EYS: variants seen among roughly 807,000 people sequenced by gnomAD.
The protein encoded by EYS is protein eyes shut homolog.
A neutral mutation model predicts 282.1 loss-of-function variants in EYS; 250 were observed. The observed-to-expected ratio is 0.89, with a 90% confidence interval of 0.80 to 0.98. The LOEUF is 0.98. Ranked by LOEUF, EYS falls within the 50% of genes least tolerant of loss-of-function variation. The probability of loss-of-function intolerance (pLI) is 0.00; values close to 1 mark genes in which losing one functional copy is unlikely to be tolerated. For synonymous variants in EYS, 1,355 were observed against 1,282.9 expected, an observed-to-expected ratio of 1.06 and a Z score of -1.20; for missense variants, 4,016 against 3,709.0, an observed-to-expected ratio of 1.08 and a Z score of -2.15.
chr6:63,949,025 T>A (rs1200468756), intron 35 of EYS, among the ~76,000 whole-genome samples: 1 of 152,200 alleles, frequency 6.6e-6, no homozygotes, highest in Non-Finnish European at 1.5e-5. Context: ...ATTTTGAGAT[T>A]TTTTAATATA....
chr6:63,758,147 C>T (rs1344441438), intron 41 of EYS, among the ~76,000 whole-genome samples: 1 of 152,158 alleles, frequency 6.6e-6, no homozygotes, highest in East Asian at 1.9e-4. Flanking sequence ...AAACAGTCCT[C>T]CTGCCTTGGC....
intron 7 of EYS, among the ~76,000 whole-genome samples, chr6:65,399,869 T>A (rs534507715): frequency 6.6e-5 from 10 of 152,142 alleles, no homozygotes; most frequent in African/African-American, 2.4e-4. Flanking sequence ...CTATATCTGT[T>A]TTGGCTTTGT....
intron 24 of EYS, among the ~76,000 whole-genome samples, chr6:64,595,984 G>A (rs1433734095): frequency 6.6e-6 from 1 of 152,158 alleles, no homozygotes. Context: ...TGGCTTCTAA[G>A]AATGCCTCAG....
intron 22 of EYS, among the ~76,000 whole-genome samples, chr6:64,726,318 G>T (rs1158902324): frequency 6.6e-6 from 1 of 152,086 alleles, no homozygotes; most frequent in Non-Finnish European, 1.5e-5. Context: ...ATTCTGGAGG[G>T]CAAAGAATAT....
chr6:64,773,120 T>A (rs1006597875), intron 22 of EYS, among the ~76,000 whole-genome samples: 2 of 151,800 alleles, frequency 1.3e-5, no homozygotes, highest in African/African-American at 4.8e-5. Flanking sequence ...TTTTCAATCC[T>A]CACCCTACTC....
At chr6:63,981,329 C>A (rs1331401129) in intron 35 of EYS, among the ~76,000 whole-genome samples, 1 of 151,696 alleles carries the variant, frequency 6.6e-6, no homozygotes, top group Non-Finnish European at 1.5e-5. Flanking sequence ...TTGTATTAAA[C>A]TTCTGATATA....
chr6:64,368,200 T>G (rs1772242447), intron 29 of EYS, among the ~76,000 whole-genome samples: 1 of 152,136 alleles, frequency 6.6e-6, no homozygotes, highest in Non-Finnish European at 1.5e-5. Context: ...GGTGTTTGGC[T>G]TTCTGTTCCT....
intron 12 of EYS, among the ~76,000 whole-genome samples, chr6:65,075,014 G>A (rs1165950680): frequency 1.3e-5 from 2 of 152,016 alleles, no homozygotes; most frequent in Non-Finnish European, 2.9e-5. Context: ...TAGTCATTGT[G>A]TATAATACTG....
At chr6:65,389,155 T>C (rs1765910582) in intron 7 of EYS, among the ~76,000 whole-genome samples, 1 of 152,128 alleles carries the variant, frequency 6.6e-6, no homozygotes, top group Non-Finnish European at 1.5e-5. Flanking sequence ...TTTAAAAATA[T>C]AAACCAAATA....
intron 23 of EYS, among the ~76,000 whole-genome samples, chr6:64,623,904 A>C (rs2149854884): frequency 6.6e-6 from 1 of 152,272 alleles, no homozygotes; most frequent in African/African-American, 2.4e-5. Context: ...GATGAAGAGT[A>C]ATCTGCAGGA....
intron 35 of EYS, among the ~76,000 whole-genome samples, chr6:63,864,834 G>A (rs968037222): frequency 6.6e-6 from 1 of 152,212 alleles, no homozygotes; most frequent in African/African-American, 2.4e-5. Flanking sequence ...ATAAGACACA[G>A]TGGGGAGCTA....
At chr6:65,466,830 G>A (rs928723140) in intron 5 of EYS, among the ~76,000 whole-genome samples, 9 of 152,106 alleles carry the variant, frequency 5.9e-5, no homozygotes, top group South Asian at 2.1e-4. Flanking sequence ...AAGGGAATCC[G>A]AGAGAGACTT....
intron 15 of EYS, among the ~76,000 whole-genome samples, chr6:64,929,461 G>A (rs1768635306): frequency 1.3e-5 from 2 of 152,084 alleles, no homozygotes; most frequent in Admixed American, 6.6e-5. Context: ...GCCACTTCCT[G>A]TAAAACATAA....
intron 37 of EYS, among the ~76,000 whole-genome samples, chr6:63,803,054 T>G (rs746545758): frequency 5.3e-4 from 81 of 152,178 alleles, no homozygotes; most frequent in Non-Finnish European, 1.0e-3. Context: ...TTTTTATGTG[T>G]GTGTTAAAGA....
chr6:64,811,354 A>C (rs528918420), intron 22 of EYS, among the ~76,000 whole-genome samples: 1 of 152,072 alleles, frequency 6.6e-6, no homozygotes, highest in Admixed American at 6.6e-5. Flanking sequence ...GCCTATGCTT[A>C]TCCCTGGGAA....
chr6:65,289,288 C>T (rs1768455623), intron 12 of EYS, among the ~76,000 whole-genome samples: 2 of 150,912 alleles, frequency 1.3e-5, no homozygotes, highest in South Asian at 4.1e-4. Context: ...AACCAACTGG[C>T]ATGAGGACCT....
At chr6:64,033,828 C>CTATATATA (rs1491226014) in intron 33 of EYS, among the ~76,000 whole-genome samples, 128 of 59,208 alleles carry the variant, frequency 2.2e-3, no homozygotes, top group East Asian at 0.015. Context: ...AATGAGATTA[C>CTATATATA]TCTCTCTCTC....
chr6:65,361,961 A>C (rs1164306699), intron 8 of EYS, among the ~76,000 whole-genome samples: 4 of 152,128 alleles, frequency 2.6e-5, no homozygotes, highest in Non-Finnish European at 5.9e-5. Context: ...CTATTCTAAA[A>C]CACATACGAG....
chr6:64,561,576 T>C (rs1765395258), intron 26 of EYS, among the ~76,000 whole-genome samples: 1 of 151,904 alleles, frequency 6.6e-6, no homozygotes. Context: ...CCATTCACAG[T>C]TGGCACAAAA....
Sources: allele counts gnomAD v4.1 joint callset (sites outside exome capture counted in the v4.1 genomes callset), GRCh38; gene constraint gnomAD v4.1.1; transcripts MANE v1.5; gene names NCBI Gene and HGNC (gene_info 2026-07-23, HGNC 2026-07-21).